SEC14L1: variants seen among roughly 807,000 people sequenced by gnomAD.
SEC14L1 encodes the protein SEC14-like protein 1.
SEC14L1 carries 48 observed loss-of-function variants against 85.3 expected under a neutral mutation model. The ratio of observed to expected loss-of-function variants is 0.56; its 90% CI spans 0.45 to 0.72. The LOEUF is 0.72. Ranked by LOEUF, SEC14L1 falls within the 30% of genes least tolerant of loss-of-function variation. SEC14L1 has a pLI of 0.00. For synonymous variants in SEC14L1, 391 were observed against 355.5 expected (o/e 1.10, Z -1.12); for missense variants, 682 against 921.4 (o/e 0.74, Z 3.36).
upstream of SEC14L1, among the ~76,000 whole-genome samples, chr17:77,139,160 ATTTTTTTTT>A (rs749541191): frequency 5.0e-5 from 6 of 120,164 alleles, no homozygotes; most frequent in East Asian, 9.6e-4. Context: ...GGTCAGGTGA[ATTTTTTTTT>A]TTTTTTTTTT....
chr17:77,197,428 C>T (rs1367861004), intron 8 of SEC14L1, among the ~76,000 whole-genome samples: 1 of 152,166 alleles, frequency 6.6e-6, no homozygotes, highest in East Asian at 1.9e-4. Context: ...CATGAAAACC[C>T]AACATGCTTT....
At chr17:77,107,030 T>C (rs1971930121) in intron 3 of SEC14L1, among the ~76,000 whole-genome samples, 1 of 152,112 alleles carries the variant, frequency 6.6e-6, no homozygotes, top group African/African-American at 2.4e-5. Context: ...ACATCCCCCA[T>C]GGGGTGTAAT....
chr17:77,202,937 A>T lies in SEC14L1; in HGVS notation c.1010-633A>T, dbSNP rs917708199. Among the ~76,000 whole-genome samples the T allele has an allele frequency of 1.0e-3, 42 of 41,988 alleles. 1 individual carries two copies. Among genetic ancestry groups the T allele is most frequent in the Admixed American group, 5.5e-3 (23 of 4,146 alleles). The allele number at this position is 41,988 out of a possible 152,430, so 27.5% of individuals were successfully genotyped here. A position where few individuals can be genotyped will look rare whatever the true frequency, so the allele number is the denominator to read the frequency against. On this transcript the variant is annotated intron_variant, in intron 9 of 16. Coordinates refer to ENST00000436233, the MANE Select transcript of SEC14L1 (RefSeq NM_001143998.2). ...CTCTCTCTAAAAAAAATAAAAAAAT[A>T]AAAAAAAAAAAAAAACAGAGTAGAG...
chr17:77,103,434 G>GT (rs76727046), intron 3 of SEC14L1, among the ~76,000 whole-genome samples: 65 of 144,080 alleles, frequency 4.5e-4, no homozygotes, highest in South Asian at 8.9e-4. Flanking sequence ...TTTTGTTGTT[G>GT]TTTTTTTTTT....
intron 3 of SEC14L1, among the ~76,000 whole-genome samples, chr17:77,120,950 C>T (rs1036962619): frequency 3.9e-5 from 6 of 152,134 alleles, no homozygotes; most frequent in East Asian, 1.9e-4. Context: ...GTTTTGTTAT[C>T]GTGGGTTGTG....
chr17:77,189,053 A>G (rs1975401292), intron 3 of SEC14L1, among the ~76,000 whole-genome samples: 2 of 151,896 alleles, frequency 1.3e-5, no homozygotes. Flanking sequence ...CCATTTTTAA[A>G]TTTCAATTGT....
intron 10 of SEC14L1, among the ~76,000 whole-genome samples, chr17:77,204,522 C>CCTTTT (rs1555628453): frequency 5.9e-5 from 5 of 84,728 alleles, no homozygotes; most frequent in Admixed American, 1.4e-4. Context: ...GCCCAGCCAG[C>CCTTTT]TTTTTTTTTT....
chr17:77,192,086 C>T (rs532381964), intron 5 of SEC14L1, among the ~76,000 whole-genome samples: 62 of 152,304 alleles, frequency 4.1e-4, no homozygotes, highest in African/African-American at 1.4e-3. Flanking sequence ...TGAGCCACCA[C>T]GCCTGGCCTT....
At chr17:77,171,285 C>T (rs1450313784) in intron 3 of SEC14L1, among the ~76,000 whole-genome samples, 1 of 152,142 alleles carries the variant, frequency 6.6e-6, no homozygotes, top group African/African-American at 2.4e-5. Context: ...CAACATTTCC[C>T]TCTCATCTGG....
chr17:77,212,556 G>A (rs9912398), intron 15 of SEC14L1, among the ~76,000 whole-genome samples: 44,017 of 152,088 alleles, frequency 0.29, 7,048 homozygotes, highest in African/African-American at 0.42. Flanking sequence ...CTAAATAGAA[G>A]TAAGAGGGAC....
chr17:77,105,110 G>A (rs371009591), intron 3 of SEC14L1, among the ~76,000 whole-genome samples: 2 of 152,220 alleles, frequency 1.3e-5, no homozygotes, highest in East Asian at 1.9e-4. Context: ...GAAGGCGATC[G>A]GATATGCATC....
intron 3 of SEC14L1, among the ~76,000 whole-genome samples, chr17:77,130,345 T>C (rs910079960): frequency 1.3e-5 from 2 of 152,090 alleles, no homozygotes; most frequent in Admixed American, 6.6e-5. Context: ...GAGACAGCGT[T>C]TCGCTCTGTC....
intron 3 of SEC14L1, among the ~76,000 whole-genome samples, chr17:77,169,773 CCATAG>C (rs1484796292): frequency 1.3e-5 from 2 of 151,946 alleles, no homozygotes; most frequent in Non-Finnish European, 2.9e-5. Flanking sequence ...AGCTCCTGGG[CCATAG>C]AAGTGACCTA....
chr17:77,102,008 C>T (rs1276733424), intron 3 of SEC14L1, among the ~76,000 whole-genome samples: 1 of 152,188 alleles, frequency 6.6e-6, no homozygotes, highest in East Asian at 1.9e-4. Context: ...CCAAAGACCT[C>T]TTTGCTATTT....
intron 13 of SEC14L1, among the ~76,000 whole-genome samples, chr17:77,208,069 C>G (rs572127062): frequency 6.6e-6 from 1 of 152,134 alleles, no homozygotes; most frequent in Non-Finnish European, 1.5e-5. Flanking sequence ...TGAAAAGTTA[C>G]CCGTTTGGAA....
chr17:77,191,393 G>A (rs892158431), intron 5 of SEC14L1, 81 bp downstream of exon 5: 2 of 1,493,584 alleles, frequency 1.3e-6, no homozygotes, highest in African/African-American at 2.8e-5. Flanking sequence ...TTTAAACAGT[G>A]CATCTTTTTG....
At chr17:77,160,412 A>G (rs1974007194) in intron 3 of SEC14L1, among the ~76,000 whole-genome samples, 1 of 152,242 alleles carries the variant, frequency 6.6e-6, no homozygotes, top group Non-Finnish European at 1.5e-5. Flanking sequence ...TATTAGACCA[A>G]AAATTTTTCA....
At chr17:77,178,846 G>T (rs1974876457) in intron 3 of SEC14L1, among the ~76,000 whole-genome samples, 1 of 152,148 alleles carries the variant, frequency 6.6e-6, no homozygotes, top group Non-Finnish European at 1.5e-5. Flanking sequence ...TAGGAGCTGG[G>T]GACTCTCTGT....
At chr17:77,108,441 G>T (rs1409555852) in intron 3 of SEC14L1, among the ~76,000 whole-genome samples, 1 of 152,040 alleles carries the variant, frequency 6.6e-6, no homozygotes, top group Non-Finnish European at 1.5e-5. Context: ...CCCCAGCATA[G>T]AATATGAATG....
Sources: gnomAD v4.1 joint callset for allele counts (sites outside exome capture counted in the v4.1 genomes callset) on GRCh38, gnomAD v4.1.1 for gene constraint, MANE v1.5 for transcripts, NCBI Gene and HGNC (gene_info 2026-07-23, HGNC 2026-07-21) for gene names.